FOSB: variants seen among roughly 807,000 people sequenced by gnomAD.
FOSB encodes FosB proto-oncogene, AP-1 transcription factor subunit.
FOSB carries 8 observed loss-of-function variants against 31.1 expected under a neutral mutation model. The ratio of observed to expected loss-of-function variants is 0.26; its 90% CI spans 0.15 to 0.46. The LOEUF (loss-of-function observed/expected upper bound fraction) is 0.46, where lower values mean the gene tolerates loss of function less well. Ranked by LOEUF, FOSB falls within the 20% of genes least tolerant of loss-of-function variation. The pLI is 0.99. For missense variants in FOSB, 376 were observed against 460.6 expected (o/e 0.82, Z 1.68); for synonymous variants, 214 against 206.1 (o/e 1.04, Z -0.33).
Position 45,473,072 on chromosome 19 carries a change from G to A in FOSB, c.*60G>A. 1 of 1,491,504 alleles carries A rather than the reference G, an allele frequency of 6.7e-7. No individual in the cohort carries two copies. The highest frequency in any genetic ancestry group is 9.1e-7 in the Non-Finnish European group (1 of 1,093,562). The allele number at this position is 1,491,504 out of a possible 1,614,324, so 92.4% of individuals were successfully genotyped here. A position where few individuals can be genotyped will look rare whatever the true frequency, so the allele number is the denominator to read the frequency against. ...GGGAGAGAGACTTGGAAGAGGAGGA[G>A]GAGGAGGAGAAGGAGGAGAGAGAGG... On this transcript the variant is annotated 3_prime_UTR_variant, in exon 4 of 4. Coordinates refer to ENST00000353609, the MANE Select transcript of FOSB (RefSeq NM_006732.3).
Position 45,468,412 on chromosome 19 carries a change from G to C in FOSB, c.-175G>C. On this transcript the variant is annotated 5_prime_UTR_variant, in exon 1 of 4. Transcript: ENST00000353609. The surrounding 1 kb of genome is among the most constrained non-coding windows in gnomAD (Gnocchi z 4.8). ...ACAGAAACTTTGCCATTGTTGGAAC[G>C]GGACGTTGCTCCTTCCCCGAGCTTC... 3.0e-6 allele frequency: 2 copies of C among 671,872 alleles called. No homozygotes were observed. Among genetic ancestry groups the C allele is most frequent in the Middle Eastern group, 4.4e-4 (1 of 2,272 alleles). 41.6% of individuals were successfully genotyped at this position (671,872 alleles called of 1,614,324 possible).
In FOSB at chr19:45,472,763, GCCGCCCCCGCCACCA is replaced by G. The variant is rs780808591; in HGVS notation, c.776_790del (p.Pro259_Pro263del). The stretch of plus-strand genomic sequence containing the variant: ...AGGAAGATGGCTTCAGCTGGCTGCT[GCCGCCCCCGCCACCA>G]CCGCCCCTGCCCTTCCAGACCAGCC... On this transcript the variant is annotated inframe_deletion, in exon 4 of 4. Coordinates refer to ENST00000353609, the MANE Select transcript of FOSB (RefSeq NM_006732.3). The surrounding 1 kb of genome is among the most constrained non-coding windows in gnomAD (Gnocchi z 5.4). 1 of 1,613,644 alleles carries G rather than the reference GCCGCCCCCGCCACCA, an allele frequency of 6.2e-7. No homozygotes were observed. Among genetic ancestry groups the G allele is most frequent in the Non-Finnish European group, 8.5e-7 (1 of 1,179,906 alleles).
chr19:45,469,722 C>T (rs1381474989), intron 1 of FOSB, among the ~76,000 whole-genome samples: 1 of 152,172 alleles, frequency 6.6e-6, no homozygotes, highest in Non-Finnish European at 1.5e-5. Flanking sequence ...TCCCTCTGCT[C>T]CTCATGCCCG....
At position 45,468,294 on chromosome 19, in the gene FOSB, C is replaced by T; in HGVS notation, c.-293C>T. Reference sequence around the variant, plus strand: ...ACAGCGCTTTCTGCCCCTGGGGGAGCAACCCCTCCCTCGCCCCTGGGTCCT... The same window carrying T: ...ACAGCGCTTTCTGCCCCTGGGGGAGTAACCCCTCCCTCGCCCCTGGGTCCT... On this transcript the variant is annotated 5_prime_UTR_variant, in exon 1 of 4. Coordinates refer to ENST00000353609, the MANE Select transcript of FOSB (RefSeq NM_006732.3). The surrounding 1 kb of genome is among the most constrained non-coding windows in gnomAD (Gnocchi z 4.8). 1 of 280,006 alleles carries T rather than the reference C, an allele frequency of 3.6e-6. No homozygotes were observed. The highest frequency in any genetic ancestry group is 5.0e-5 in the Admixed American group (1 of 20,008). 17.3% of individuals were successfully genotyped at this position (280,006 alleles called of 1,614,324 possible). A position where few individuals can be genotyped will look rare whatever the true frequency, so the allele number is the denominator to read the frequency against.
Position 45,468,853 on chromosome 19 carries a change from A to G in FOSB, c.126+141A>G. ...GAAAAGGCTCACAGCGCACTTTGCA[A>G]ACTGCAAAGAGTCGGGAGATGTTTG... On this transcript the variant is annotated intron_variant, in intron 1 of 3. Transcript: ENST00000353609. This position sits in a 1 kb window ranked among gnomAD's most constrained non-coding sequence, Gnocchi z 4.8. 2 of 949,268 alleles carry G rather than the reference A, an allele frequency of 2.1e-6. No homozygotes were observed. Among genetic ancestry groups the G allele is most frequent in the Non-Finnish European group, 3.0e-6 (2 of 656,214 alleles). The allele number at this position is 949,268 out of a possible 1,614,324, so 58.8% of individuals were successfully genotyped here.
chr19:45,468,789 C>G lies in FOSB; in HGVS notation c.126+77C>G. ...AAGGGTGAAAAGAATAAACCCCAAC[C>G]CCCACAAAAAGGCGCATCAGAACCC... On this transcript the variant is annotated intron_variant, in intron 1 of 3. Transcript: ENST00000353609. This position sits in a 1 kb window ranked among gnomAD's most constrained non-coding sequence, Gnocchi z 4.8. 7.0e-7 allele frequency: 1 copy of G among 1,436,188 alleles called. No homozygotes were observed. The highest frequency in any genetic ancestry group is 9.3e-7 in the Non-Finnish European group (1 of 1,080,906). 89.0% of individuals were successfully genotyped at this position (1,436,188 alleles called of 1,614,324 possible). A position where few individuals can be genotyped will look rare whatever the true frequency, so the allele number is the denominator to read the frequency against.
chr19:45,470,766 C>A lies in FOSB; in HGVS notation c.264C>A (p.Ala88=). 1 of 1,613,886 alleles carries A rather than the reference C, an allele frequency of 6.2e-7. No individual in the cohort carries two copies. The change falls in exon 2 of 4, where the codon GCC becomes GCA. Residue 88 remains alanine (A), a synonymous_variant. Coordinates refer to ENST00000353609, the MANE Select transcript of FOSB (RefSeq NM_006732.3). ...CCCAGTCCCAGGGGCAGCCACTGGC[C>A]TCCCAGCCCCCGGTCGTCGACCCCT... is the stretch of plus-strand genomic sequence containing the variant. ...SMAQSQGQPL[A]SQPPVVDPYD...
At chr19:45,471,347 C>G (rs748425009) in intron 3 of FOSB, 46 bp downstream of exon 3, 2 of 1,331,250 alleles carry the variant, frequency 1.5e-6, no homozygotes, top group African/African-American at 2.9e-5. Context: ...GAGGGGAGCT[C>G]TCTCCCCATT....
chr19:45,471,013 A>G (rs1967636975), intron 2 of FOSB, 64 bp downstream of exon 2: 4 of 1,529,092 alleles, frequency 2.6e-6, no homozygotes, highest in Non-Finnish European at 3.6e-6. Context: ...GAAGTTTCTT[A>G]TGAATGGAGG....
At position 45,473,003 on chromosome 19, in the gene FOSB, C is replaced by T. The variant is rs1427241763; in HGVS notation, c.1008C>T (p.Leu336=). The T allele has an allele frequency of 6.2e-7, 1 of 1,608,240 alleles. No homozygotes were observed. The highest frequency in any genetic ancestry group is 2.2e-5 in the East Asian group (1 of 44,878). ...PSDPLNSPSL[L]AL The stretch of plus-strand genomic sequence containing the variant: ...ATCCCCTGAACTCGCCCTCCCTCCT[C>T]GCTCTGTGAACTCTTTAGACACACA... The change falls in exon 4 of 4, where the codon CTC becomes CTT. Residue 336 remains leucine, a synonymous_variant. Transcript: ENST00000353609.
Position 45,468,396 on chromosome 19 carries a change from T to G in FOSB, c.-191T>G. On this transcript the variant is annotated 5_prime_UTR_variant, in exon 1 of 4. Transcript: ENST00000353609. The surrounding 1 kb of genome is among the most constrained non-coding windows in gnomAD (Gnocchi z 4.8). ...ACCGCAGGAAGACTGCACAGAAACT[T>G]TGCCATTGTTGGAACGGGACGTTGC... 1 of 635,254 alleles carries G rather than the reference T, an allele frequency of 1.6e-6. No individual in the cohort carries two copies. The highest frequency in any genetic ancestry group is 1.8e-5 in the African/African-American group (1 of 54,136). 39.4% of individuals were successfully genotyped at this position (635,254 alleles called of 1,614,324 possible).
Position 45,468,834 on chromosome 19 carries a change from G to A in FOSB, c.126+122G>A, listed in dbSNP as rs2122135371. On this transcript the variant is annotated intron_variant, in intron 1 of 3. Transcript: ENST00000353609. The surrounding 1 kb of genome is among the most constrained non-coding windows in gnomAD (Gnocchi z 4.8). ...GAACCCTAGATCTGAGATGGAAAAG[G>A]CTCACAGCGCACTTTGCAAACTGCA... The A allele has an allele frequency of 9.1e-7, 1 of 1,102,974 alleles. No homozygotes were observed. The highest frequency in any genetic ancestry group is 1.3e-6 in the Non-Finnish European group (1 of 793,466). The allele number at this position is 1,102,974 out of a possible 1,614,324, so 68.3% of individuals were successfully genotyped here.
chr19:45,472,913 C>T lies in FOSB; in HGVS notation c.918C>T (p.Leu306=). The T allele has an allele frequency of 4.3e-6, 7 of 1,614,176 alleles. No homozygotes were observed. The highest frequency in any genetic ancestry group is 5.9e-6 in the Non-Finnish European group (7 of 1,180,046). Residue 306 remains leucine, a synonymous_variant, in exon 4 of 4, where the codon CTC becomes CTT. Transcript: ENST00000353609. The surrounding 1 kb of genome is among the most constrained non-coding windows in gnomAD (Gnocchi z 5.4). The part of the protein sequence containing the change: ...VNPSYTSSFV[L]TCPEVSAFAG... ...CTTCGTACACTTCTTCGTTTGTCCT[C>T]ACCTGCCCGGAGGTCTCCGCGTTCG...
chr19:45,468,099 C>CTT lies in FOSB; in HGVS notation c.-480_-479dup, dbSNP rs28381239. On this transcript the variant is annotated 5_prime_UTR_variant, in exon 1 of 4. Coordinates refer to ENST00000353609, the MANE Select transcript of FOSB (RefSeq NM_006732.3). This position sits in a 1 kb window ranked among gnomAD's most constrained non-coding sequence, Gnocchi z 4.8. ...TTGGGGGTTATGAAATTTCATTAAT[C>CTT]TTTTTTTTTCCGGGGAGAAAGTTTT... is the stretch of plus-strand genomic sequence containing the variant. 51 of 151,534 alleles carry CTT rather than the reference C, an allele frequency of 3.4e-4. No individual in the cohort carries two copies. The highest frequency in any genetic ancestry group is 1.4e-3 in the South Asian group (7 of 4,936). The allele number at this position is 151,534 out of a possible 1,614,324, so 9.4% of individuals were successfully genotyped here. A position where few individuals can be genotyped will look rare whatever the true frequency, so the allele number is the denominator to read the frequency against.
chr19:45,471,451 C>A, intron 3 of FOSB, 150 bp downstream of exon 3: 1 of 601,814 alleles, frequency 1.7e-6, no homozygotes, highest in Admixed American at 2.8e-5. Flanking sequence ...ACTGGGTAGC[C>A]CAGGGCACAA....
In FOSB at chr19:45,473,813, A is replaced by T. The variant is rs142005387; in HGVS notation, c.*801A>T. 9.1e-3 allele frequency: 1,385 copies of T among 151,782 alleles called. 8 individuals carry two copies. Among genetic ancestry groups the T allele is most frequent in the Admixed American group, 0.016 (245 of 15,198 alleles). The allele number at this position is 151,782 out of a possible 1,614,324, so 9.4% of individuals were successfully genotyped here. A position where few individuals can be genotyped will look rare whatever the true frequency, so the allele number is the denominator to read the frequency against. ...CCAAGACCCTGCCCCCTGCCAGCCG[A>T]CCCTCCTGGCCTTCCTCGTTGGGCC... is the stretch of plus-strand genomic sequence containing the variant. On this transcript the variant is annotated 3_prime_UTR_variant, in exon 4 of 4. Transcript: ENST00000353609.
rs1468995223 is a variant in FOSB, at chr19:45,471,940, AC to A, written c.556-610del. On this transcript the variant is annotated intron_variant, in intron 3 of 3. Transcript: ENST00000353609. ...AGAGGGAGGGGTAATAGAAGGGAAC[AC>A]ATTAAAAACACATAACAGTGGCTCA... 4 of 152,590 alleles carry A rather than the reference AC, an allele frequency of 2.6e-5. No individual in the cohort carries two copies. The East Asian group carries it at 5.8e-4, about 22-fold the overall frequency. The allele number at this position is 152,590 out of a possible 1,614,324, so 9.5% of individuals were successfully genotyped here. A position where few individuals can be genotyped will look rare whatever the true frequency, so the allele number is the denominator to read the frequency against.
rs964836286 is a variant in FOSB, at chr19:45,473,174, G to A, written c.*162G>A. On this transcript the variant is annotated 3_prime_UTR_variant, in exon 4 of 4. Coordinates refer to ENST00000353609, the MANE Select transcript of FOSB (RefSeq NM_006732.3). Reference sequence around the variant, plus strand: ...TGCGGCCACTGCGCCACTGCCATCGGACAGGAGGATTCCTTGTGTTTTGTC... The same window carrying A: ...TGCGGCCACTGCGCCACTGCCATCGAACAGGAGGATTCCTTGTGTTTTGTC... 2 of 644,120 alleles carry A rather than the reference G, an allele frequency of 3.1e-6. No individual in the cohort carries two copies. Among genetic ancestry groups the A allele is most frequent in the African/African-American group, 3.7e-5 (2 of 54,532 alleles). The allele number at this position is 644,120 out of a possible 1,614,324, so 39.9% of individuals were successfully genotyped here. A position where few individuals can be genotyped will look rare whatever the true frequency, so the allele number is the denominator to read the frequency against.
rs1391864979 is a variant in FOSB, at chr19:45,468,382, A to G, written c.-205A>G. The G allele has an allele frequency of 1.7e-6, 1 of 599,028 alleles. No individual in the cohort carries two copies. 37.1% of individuals were successfully genotyped at this position (599,028 alleles called of 1,614,324 possible). ...GTGGGGGCCTGGGCACCGCAGGAAG[A>G]CTGCACAGAAACTTTGCCATTGTTG... On this transcript the variant is annotated 5_prime_UTR_variant, in exon 1 of 4. Transcript: ENST00000353609. This position sits in a 1 kb window ranked among gnomAD's most constrained non-coding sequence, Gnocchi z 4.8.
Sources: gnomAD v4.1 joint callset for allele counts (sites outside exome capture counted in the v4.1 genomes callset) on GRCh38, gnomAD v4.1.1 for gene constraint, Gnocchi (gnomAD v3.1) non-coding constraint, MANE v1.5 for transcripts, NCBI Gene and HGNC (gene_info 2026-07-23, HGNC 2026-07-21) for gene names.